Variants in AGPAT3 observed in about 807,000 individuals in gnomAD.
AGPAT3 encodes the protein 1-acylglycerol-3-phosphate O-acyltransferase 3.
In AGPAT3, 5 loss-of-function variants were observed where a neutral mutation model predicts 47.3. The ratio of observed to expected loss-of-function variants is 0.11; its 90% confidence interval spans 0.06 to 0.22. The LOEUF is 0.22. Ranked by LOEUF, AGPAT3 falls within the 10% of genes least tolerant of loss-of-function variation. The probability of loss-of-function intolerance (pLI) is 1.00; values close to 1 mark genes in which losing one functional copy is unlikely to be tolerated. For missense variants in AGPAT3, 315 were observed against 493.0 expected, an observed-to-expected ratio of 0.64 and a Z score of 3.42; for synonymous variants, 212 against 208.3, an observed-to-expected ratio of 1.02 and a Z score of -0.15.
At chr21:43,980,681 G>T (rs1354455204) in intron 8 of AGPAT3, among the ~76,000 whole-genome samples, 1 of 152,198 alleles carries the variant, frequency 6.6e-6, no homozygotes, top group Non-Finnish European at 1.5e-5. Flanking sequence ...GTGGCGGGTG[G>T]CCGGGGCAGT....
intron 1 of AGPAT3, among the ~76,000 whole-genome samples, chr21:43,889,631 C>T (rs1189405622): frequency 1.3e-5 from 2 of 152,140 alleles, no homozygotes; most frequent in East Asian, 3.8e-4. Context: ...CCAGTGCATA[C>T]AGAAGTTAGG....
intron 7 of AGPAT3, among the ~76,000 whole-genome samples, chr21:43,973,916 A>G (rs903746583): frequency 2.0e-5 from 3 of 152,240 alleles, no homozygotes; most frequent in African/African-American, 7.2e-5. Flanking sequence ...CAGGAGGCAG[A>G]TGCTCAGGGT....
rs113557938 is a variant in AGPAT3 at position 43,948,978 on chromosome 21, G to T, written c.-48-10656G>T. Among the ~76,000 whole-genome samples the T allele has an allele frequency of 8.8e-3, 1,336 of 152,290 alleles. 13 individuals are homozygous for T. Among genetic ancestry groups the T allele is most frequent in the African/African-American group, 0.03 (1,232 of 41,544 alleles). Reference sequence around the variant, plus strand: ...TTTAGTCTCAATTGTTGGTCTGCATGTCTACTGATAAGCCGGTACTGTGCT... The same window carrying T: ...TTTAGTCTCAATTGTTGGTCTGCATTTCTACTGATAAGCCGGTACTGTGCT... On this transcript the variant is annotated intron_variant, in intron 2 of 9. Transcript: ENST00000291572.
At chr21:43,899,367 C>T (rs2086299224) in intron 1 of AGPAT3, among the ~76,000 whole-genome samples, 1 of 152,138 alleles carries the variant, frequency 6.6e-6, no homozygotes, top group South Asian at 2.1e-4. Flanking sequence ...TCTCAGGTTG[C>T]TTCTAAGATC....
chr21:43,866,402 C>T (rs1036461625), intron 1 of AGPAT3, among the ~76,000 whole-genome samples: 5 of 149,502 alleles, frequency 3.3e-5, no homozygotes, highest in African/African-American at 1.2e-4. Flanking sequence ...GGGCGGGCGG[C>T]GGGCCCAGGC....
At chr21:43,936,094 G>T (rs2087437457) in intron 2 of AGPAT3, among the ~76,000 whole-genome samples, 1 of 152,226 alleles carries the variant, frequency 6.6e-6, no homozygotes, top group South Asian at 2.1e-4. Context: ...CACCCCTGGG[G>T]ACAGCCGTGG....
chr21:43,870,416 T>C (rs2085599166), intron 1 of AGPAT3, among the ~76,000 whole-genome samples: 2 of 152,154 alleles, frequency 1.3e-5, no homozygotes, highest in Admixed American at 1.3e-4. Flanking sequence ...CTTTAAATGT[T>C]AGTGAATTAT....
intron 2 of AGPAT3, among the ~76,000 whole-genome samples, chr21:43,905,259 G>A (rs112421925): frequency 0.012 from 1,745 of 150,928 alleles, 34 homozygotes; most frequent in African/African-American, 0.039. Flanking sequence ...GAACGATCTC[G>A]GCTCACTGCA....
At chr21:43,883,368 C>T (rs1324261006) in intron 1 of AGPAT3, among the ~76,000 whole-genome samples, 1 of 152,220 alleles carries the variant, frequency 6.6e-6, no homozygotes, top group Non-Finnish European at 1.5e-5. Context: ...CGGTTCTGAG[C>T]CTCTTGGACA....
At chr21:43,968,347 G>A (rs1450227984) in intron 4 of AGPAT3, among the ~76,000 whole-genome samples, 1 of 150,376 alleles carries the variant, frequency 6.6e-6, no homozygotes, top group Non-Finnish European at 1.5e-5. Context: ...AGAGGCTAGG[G>A]TGAGCACCTT....
intron 1 of AGPAT3, among the ~76,000 whole-genome samples, chr21:43,895,114 T>C (rs959712735): frequency 1.3e-5 from 2 of 151,832 alleles, no homozygotes; most frequent in African/African-American, 4.8e-5. Context: ...TTTATTTATT[T>C]TTTTTTTTGA....
In AGPAT3 at chr21:43,955,764, G is replaced by A. The variant is rs1216599690; in HGVS notation, c.-48-3870G>A. ...CTACTAAACATACAAAAATTTGCTG[G>A]ACATGGTGGTGCATACCTGTGGTCC... On this transcript the variant is annotated intron_variant, in intron 2 of 9. Coordinates refer to ENST00000291572, the MANE Select transcript of AGPAT3 (RefSeq NM_020132.5). The surrounding 1 kb of genome is among the most constrained non-coding windows in gnomAD (Gnocchi z 4.1). Among the ~76,000 whole-genome samples the A allele has an allele frequency of 6.6e-6, 1 of 151,892 alleles. No homozygotes were observed. The highest frequency in any genetic ancestry group is 1.5e-5 in the Non-Finnish European group (1 of 67,990).
At chr21:43,923,251 G>A (rs1445786670) in intron 2 of AGPAT3, among the ~76,000 whole-genome samples, 2 of 151,186 alleles carry the variant, frequency 1.3e-5, no homozygotes, top group Non-Finnish European at 3.0e-5. Flanking sequence ...CTGTCTGGGG[G>A]GCACTCCATG....
At chr21:43,937,113 G>A (rs1246331701) in intron 2 of AGPAT3, among the ~76,000 whole-genome samples, 11 of 152,220 alleles carry the variant, frequency 7.2e-5, no homozygotes, top group African/African-American at 2.7e-4. Context: ...CCTGAGTGGG[G>A]CTGGCACTCC....
chr21:43,868,513 G>A (rs1025335557), intron 1 of AGPAT3, among the ~76,000 whole-genome samples: 2 of 152,110 alleles, frequency 1.3e-5, no homozygotes, highest in Non-Finnish European at 2.9e-5. Context: ...AGATGGTCTC[G>A]ATTCCTTTCT....
intron 1 of AGPAT3, among the ~76,000 whole-genome samples, chr21:43,903,411 G>A (rs1260627071): frequency 3.3e-5 from 5 of 152,218 alleles, no homozygotes; most frequent in East Asian, 1.9e-4. Flanking sequence ...GTTAGTGGAC[G>A]TCACCACAAT....
rs907252963 is a variant in AGPAT3, at chr21:43,954,923, A to C, written c.-48-4711A>C. 5.1e-6 allele frequency: 4 copies of C among 783,878 alleles called. No homozygotes were observed. Among genetic ancestry groups the C allele is most frequent in the Non-Finnish European group, 5.0e-6 (3 of 604,194 alleles). The allele number at this position is 783,878 out of a possible 1,614,324, so 48.6% of individuals were successfully genotyped here. On this transcript the variant is annotated intron_variant, in intron 2 of 9. Transcript: ENST00000291572. The surrounding 1 kb of genome is among the most constrained non-coding windows in gnomAD (Gnocchi z 4.0). ...AGTCTCTGCGTAGACTTTCTAGCCC[A>C]GAGGTTCAGGTGATGGACCAGAGAC...
chr21:43,882,328 G>A (rs566596181), intron 1 of AGPAT3, among the ~76,000 whole-genome samples: 10 of 152,378 alleles, frequency 6.6e-5, no homozygotes, highest in East Asian at 5.8e-4. Context: ...AATAGGTTTC[G>A]TAGATTGCAC....
In AGPAT3 at chr21:43,978,182, C is replaced by T. The variant is rs895635960; in HGVS notation, c.843+61C>T. On this transcript the variant is annotated intron_variant, in intron 8 of 9. Transcript: ENST00000291572. The stretch of plus-strand genomic sequence containing the variant: ...TCCTGAAGAGGCTGTGGAAGGGGTG[C>T]TGGCGAGCAGGCAGGTGACACGTGG... The T allele has an allele frequency of 4.0e-6, 6 of 1,497,944 alleles. No individual in the cohort carries two copies. The African/African-American group carries it at 8.3e-5, about 21-fold the overall frequency. 92.8% of individuals were successfully genotyped at this position (1,497,944 alleles called of 1,614,324 possible).
Sources: allele counts gnomAD v4.1 joint callset (sites outside exome capture counted in the v4.1 genomes callset), GRCh38; gene constraint gnomAD v4.1.1; non-coding constraint Gnocchi (gnomAD v3.1); transcripts MANE v1.5; gene names NCBI Gene and HGNC (gene_info 2026-07-23, HGNC 2026-07-21).